WDR37: variants seen among roughly 807,000 people sequenced by gnomAD.
The protein encoded by WDR37 is WD repeat-containing protein 37.
In WDR37, 19 loss-of-function variants were observed where a neutral mutation model predicts 62.9. That is an observed-to-expected ratio of 0.30 (90% CI 0.21 to 0.44). The LOEUF (loss-of-function observed/expected upper bound fraction) is 0.44, where lower values mean the gene tolerates loss of function less well. Ranked by LOEUF, WDR37 falls within the 20% of genes least tolerant of loss-of-function variation. WDR37 has a pLI of 1.00. For synonymous variants in WDR37, 250 were observed against 260.9 expected, an observed-to-expected ratio of 0.96 and a Z score of 0.40; for missense variants, 474 against 657.6, an observed-to-expected ratio of 0.72 and a Z score of 3.05.
chr10:1,106,028 G>A (rs560546277), intron 11 of WDR37, among the ~76,000 whole-genome samples: 2 of 152,106 alleles, frequency 1.3e-5, no homozygotes, highest in South Asian at 2.1e-4. Flanking sequence ...GTCGTGATCC[G>A]CCTGTCTCGG....
intron 11 of WDR37, among the ~76,000 whole-genome samples, chr10:1,115,731 T>C (rs1835370266): frequency 6.6e-6 from 1 of 152,210 alleles, no homozygotes; most frequent in Non-Finnish European, 1.5e-5. Flanking sequence ...CAGTTTGCTT[T>C]CCACTTTCAG....
At position 1,105,398 on chromosome 10, in the gene WDR37, C is replaced by T; in HGVS notation, c.1103+131C>T. ...ATCTTTCAAAAAAATAACTACCTTT[C>T]AAATTCTGCTATTCTTTTTCTAAAC... On this transcript the variant is annotated intron_variant, in intron 11 of 13. Transcript: ENST00000263150. This position sits in a 1 kb window ranked among gnomAD's most constrained non-coding sequence, Gnocchi z 5.3. 8.4e-7 allele frequency: 1 copy of T among 1,192,626 alleles called. No individual in the cohort carries two copies. The highest frequency in any genetic ancestry group is 1.2e-6 in the Non-Finnish European group (1 of 863,618). The allele number at this position is 1,192,626 out of a possible 1,614,324, so 73.9% of individuals were successfully genotyped here. A position where few individuals can be genotyped will look rare whatever the true frequency, so the allele number is the denominator to read the frequency against.
chr10:1,073,867 C>T (rs1175856161), intron 2 of WDR37, among the ~76,000 whole-genome samples: 2 of 152,200 alleles, frequency 1.3e-5, no homozygotes, highest in African/African-American at 4.8e-5. Context: ...CCTCATTTTA[C>T]TCTCACCACC....
chr10:1,113,812 ACT>A (rs1233934989), intron 11 of WDR37, among the ~76,000 whole-genome samples: 12 of 152,274 alleles, frequency 7.9e-5, no homozygotes, highest in African/African-American at 2.6e-4. Flanking sequence ...GTGGGAAGGT[ACT>A]CTTGGTGAAG....
At chr10:1,060,030 G>A (rs1034748893) in intron 1 of WDR37, among the ~76,000 whole-genome samples, 6 of 152,106 alleles carry the variant, frequency 3.9e-5, no homozygotes, top group African/African-American at 1.4e-4. Context: ...GTAGAGACGG[G>A]ACTTCACCAT....
Position 1,131,536 on chromosome 10 carries a change from G to C in WDR37, c.*2192G>C, listed in dbSNP as rs2131705099. On this transcript the variant is annotated 3_prime_UTR_variant, in exon 14 of 14. Coordinates refer to ENST00000263150, the MANE Select transcript of WDR37 (RefSeq NM_014023.4). ...GACCTCAGAAACTGGACTCCTGCAT[G>C]TCCTTGGGGGCGCAGCCCTGTGGTG... 1 of 152,436 alleles carries C rather than the reference G, an allele frequency of 6.6e-6. No homozygotes were observed. The highest frequency in any genetic ancestry group is 2.1e-4 in the South Asian group (1 of 4,836). The allele number at this position is 152,436 out of a possible 1,614,324, so 9.4% of individuals were successfully genotyped here.
At chr10:1,089,650 C>T (rs764719742) in intron 7 of WDR37, among the ~76,000 whole-genome samples, 12 of 29,990 alleles carry the variant, frequency 4.0e-4, no homozygotes, top group East Asian at 8.3e-4. Flanking sequence ...TCAGCCTTCC[C>T]GTGCTCACCC....
In WDR37 at chr10:1,105,776, C is replaced by T. The variant is rs1834987308; in HGVS notation, c.1103+509C>T. On this transcript the variant is annotated intron_variant, in intron 11 of 13. Transcript: ENST00000263150. The surrounding 1 kb of genome is among the most constrained non-coding windows in gnomAD (Gnocchi z 5.3). ...CCTCTCTGCTTGGGTTTCTCTCCGG[C>T]AACTCAAGTGTAAGGTCTTTTTTTT... Among the ~76,000 whole-genome samples, 1 of 152,034 alleles carries T rather than the reference C, an allele frequency of 6.6e-6. No individual in the cohort carries two copies. Among genetic ancestry groups the T allele is most frequent in the Non-Finnish European group, 1.5e-5 (1 of 68,010 alleles).
chr10:1,122,404 C>T lies in WDR37; in HGVS notation c.1104-1814C>T, dbSNP rs867584063. ...GTGCCCTGGGAGACAGTGTAGGGGT[C>T]AAGCCTGTGTCTCTCTGAGAAGGCA... On this transcript the variant is annotated intron_variant, in intron 11 of 13. Transcript: ENST00000263150. Among the ~76,000 whole-genome samples the T allele has an allele frequency of 1.8e-4, 27 of 152,258 alleles. 1 individual carries two copies. In the South Asian group the frequency reaches 2.5e-3, roughly 14 times the overall value.
At chr10:1,122,826 T>A (rs1252766317) in intron 11 of WDR37, among the ~76,000 whole-genome samples, 1 of 152,234 alleles carries the variant, frequency 6.6e-6, no homozygotes, top group Non-Finnish European at 1.5e-5. Context: ...AGGACATGAT[T>A]TCCTCTGCAG....
chr10:1,126,350 G>C (rs967061326), intron 13 of WDR37, among the ~76,000 whole-genome samples: 2 of 150,354 alleles, frequency 1.3e-5, no homozygotes, highest in South Asian at 4.2e-4. Context: ...AGCTTGCAGT[G>C]AGCTGAGATC....
rs750430192 is a variant in WDR37, at chr10:1,096,223, C to A, written c.703C>A (p.Pro235Thr). The A allele has an allele frequency of 6.2e-7, 1 of 1,614,126 alleles. No homozygotes were observed. The highest frequency in any genetic ancestry group is 1.3e-5 in the African/African-American group (1 of 75,042). ...GAGATACGCGGTGCAGCTGCCGACA[C>A]CCCAGCCTGTTGCTGACACTAGTGT... is the stretch of plus-strand genomic sequence containing the variant. ...IWRYAVQLPT[P>T]QPVADTSISG... The change falls in exon 9 of 14, where the codon CCC becomes ACC. Residue 235 changes from proline (P) to threonine (T), a missense_variant. Physicochemically the swap from Pro to Thr is conservative, Grantham distance 38 (BLOSUM62 -1). Coordinates refer to ENST00000263150, the MANE Select transcript of WDR37 (RefSeq NM_014023.4).
At chr10:1,086,406 AGT>A in intron 7 of WDR37, 49 bp downstream of exon 7, 1 of 1,497,552 alleles carries the variant, frequency 6.7e-7, no homozygotes, top group Non-Finnish European at 9.3e-7. Flanking sequence ...TGCCTTCTCC[AGT>A]GTGTTTTTAA....
intron 7 of WDR37, among the ~76,000 whole-genome samples, chr10:1,086,650 G>A (rs1004633976): frequency 3.9e-5 from 6 of 152,124 alleles, no homozygotes; most frequent in Non-Finnish European, 7.3e-5. Context: ...AAATGTGTGC[G>A]TTATTTTTCA....
chr10:1,075,107 A>C (rs935967842), intron 2 of WDR37, among the ~76,000 whole-genome samples: 8 of 152,206 alleles, frequency 5.3e-5, no homozygotes, highest in African/African-American at 1.9e-4. Flanking sequence ...AATGGCACAG[A>C]AAGGGAGAAC....
intron 1 of WDR37, among the ~76,000 whole-genome samples, chr10:1,067,577 A>T (rs891866594): frequency 6.6e-6 from 1 of 152,222 alleles, no homozygotes; most frequent in Non-Finnish European, 1.5e-5. Flanking sequence ...AACAGTAAAA[A>T]ACCCGAATAA....
chr10:1,107,367 G>T (rs556884930), intron 11 of WDR37, among the ~76,000 whole-genome samples: 14 of 152,370 alleles, frequency 9.2e-5, no homozygotes, highest in African/African-American at 3.4e-4. Flanking sequence ...TGGAAGGGCA[G>T]TCGGAGGCCT....
At chr10:1,096,313 T>C in intron 9 of WDR37, 67 bp downstream of exon 9, 3 of 1,534,972 alleles carry the variant, frequency 2.0e-6, no homozygotes, top group Non-Finnish European at 2.7e-6. Flanking sequence ...AATCCATTTA[T>C]GATATCTGTC....
At chr10:1,063,748 G>T (rs192889300) in intron 1 of WDR37, among the ~76,000 whole-genome samples, 1 of 152,170 alleles carries the variant, frequency 6.6e-6, no homozygotes, top group Non-Finnish European at 1.5e-5. Context: ...AGGCAGCCCT[G>T]ATTCAGCCTT....
Sources: allele counts gnomAD v4.1 joint callset (sites outside exome capture counted in the v4.1 genomes callset), GRCh38; gene constraint gnomAD v4.1.1; non-coding constraint Gnocchi (gnomAD v3.1); transcripts MANE v1.5; gene names NCBI Gene and HGNC (gene_info 2026-07-23, HGNC 2026-07-21).